Variants in EXT1 observed in about 807,000 individuals in gnomAD.
The protein encoded by EXT1 is exostosin-1.
Under a neutral mutation model 82.5 loss-of-function variants are expected in EXT1, and 20 were observed. That is an observed-to-expected ratio of 0.24 (90% CI 0.17 to 0.35). EXT1 has a LOEUF of 0.35. Ranked by LOEUF, EXT1 falls within the 10% of genes least tolerant of loss-of-function variation. The pLI, the probability that EXT1 is intolerant of heterozygous loss-of-function variation, is 1.00. For missense variants in EXT1, 757 were observed against 936.5 expected, an observed-to-expected ratio of 0.81 and a Z score of 2.50; for synonymous variants, 348 against 350.8, an observed-to-expected ratio of 0.99 and a Z score of 0.09.
At position 117,797,775 on chromosome 8, in the gene EXT1, G is replaced by A. The variant is rs565433579; in HGVS notation, c.*1937C>T. On this transcript the variant is annotated 3_prime_UTR_variant, in exon 11 of 11. Transcript: ENST00000378204. ...ACCTAAGAATTATTTTTCAACAAAT[G>A]CCTAAGAGATAATCACATCTACTTA... The A allele has an allele frequency of 9.2e-5, 14 of 152,272 alleles. No homozygotes were observed. The highest frequency in any genetic ancestry group is 3.1e-4 in the African/African-American group (13 of 41,552). 9.4% of individuals were successfully genotyped at this position (152,272 alleles called of 1,614,324 possible).
chr8:117,962,885 T>C (rs750493278), intron 1 of EXT1, among the ~76,000 whole-genome samples: 4 of 151,790 alleles, frequency 2.6e-5, no homozygotes, highest in Non-Finnish European at 5.9e-5. Flanking sequence ...GTAATTGCAC[T>C]GCTGCACTCC....
At chr8:117,817,614 T>C (rs911175035) in intron 7 of EXT1, among the ~76,000 whole-genome samples, 3 of 152,146 alleles carry the variant, frequency 2.0e-5, no homozygotes, top group Admixed American at 6.5e-5. Context: ...TATGGGAATG[T>C]TGACAAGCAG....
intron 1 of EXT1, among the ~76,000 whole-genome samples, chr8:117,861,292 T>C (rs1427101067): frequency 6.6e-6 from 1 of 152,182 alleles, no homozygotes; most frequent in Non-Finnish European, 1.5e-5. Flanking sequence ...CATTCAGACA[T>C]AGCAGCTAAG....
At chr8:118,080,722 T>G (rs2129981170) in intron 1 of EXT1, among the ~76,000 whole-genome samples, 1 of 152,290 alleles carries the variant, frequency 6.6e-6, no homozygotes, top group East Asian at 1.9e-4. Flanking sequence ...AAAACTACAT[T>G]TTTAAGTATA....
chr8:118,060,679 A>ATG (rs2129941900), intron 1 of EXT1, among the ~76,000 whole-genome samples: 1 of 152,286 alleles, frequency 6.6e-6, no homozygotes, highest in African/African-American at 2.4e-5. Flanking sequence ...CCAGGTCATA[A>ATG]TGTAGCACAG....
intron 1 of EXT1, among the ~76,000 whole-genome samples, chr8:118,026,960 G>A (rs1816213346): frequency 6.6e-6 from 1 of 152,182 alleles, no homozygotes; most frequent in South Asian, 2.1e-4. Flanking sequence ...GGTACTTCCA[G>A]CTGGGCTCAG....
At chr8:117,966,731 A>T (rs1814819621) in intron 1 of EXT1, among the ~76,000 whole-genome samples, 1 of 152,230 alleles carries the variant, frequency 6.6e-6, no homozygotes. Context: ...GAAAGACTAA[A>T]AATAATTCTT....
chr8:118,033,333 G>T (rs989200248), intron 1 of EXT1, among the ~76,000 whole-genome samples: 3 of 152,132 alleles, frequency 2.0e-5, no homozygotes, highest in Non-Finnish European at 4.4e-5. Context: ...CAAGGCTCAG[G>T]TCTCTGTGTC....
intron 1 of EXT1, among the ~76,000 whole-genome samples, chr8:117,974,122 A>G (rs1330987883): frequency 6.6e-6 from 1 of 152,202 alleles, no homozygotes; most frequent in East Asian, 1.9e-4. Flanking sequence ...CTCATCTTCA[A>G]AAATAACTAG....
At chr8:118,029,777 A>G (rs1233440645) in intron 1 of EXT1, among the ~76,000 whole-genome samples, 1 of 152,204 alleles carries the variant, frequency 6.6e-6, no homozygotes, top group Non-Finnish European at 1.5e-5. Flanking sequence ...CTTACTACTG[A>G]CAAATGCCAC....
rs950636568 is a variant in EXT1, at chr8:117,997,410, T to C, written c.962+112675A>G. Among the ~76,000 whole-genome samples the C allele has an allele frequency of 4.0e-5, 6 of 151,570 alleles. No individual in the cohort carries two copies. In the East Asian group the frequency reaches 1.2e-3, roughly 29 times the overall value. ...TATGTTGATGGATGTATATTTAGAG[T>C]TCTACTCCTACCTACTTTCAGAAAG... On this transcript the variant is annotated intron_variant, in intron 1 of 10. Coordinates refer to ENST00000378204, the MANE Select transcript of EXT1 (RefSeq NM_000127.3).
At chr8:117,917,596 G>A (rs112224315) in intron 1 of EXT1, among the ~76,000 whole-genome samples, 7 of 152,286 alleles carry the variant, frequency 4.6e-5, no homozygotes, top group African/African-American at 9.6e-5. Context: ...TTAGCTAAGC[G>A]AATGGTTTCA....
intron 1 of EXT1, among the ~76,000 whole-genome samples, chr8:118,038,937 T>C (rs917150535): frequency 1.3e-5 from 2 of 152,244 alleles, no homozygotes; most frequent in African/African-American, 2.4e-5. Context: ...GGACTATTCA[T>C]TTCTGGCATA....
intron 1 of EXT1, among the ~76,000 whole-genome samples, chr8:117,887,002 C>G (rs1411754031): frequency 6.6e-6 from 1 of 152,152 alleles, no homozygotes; most frequent in African/African-American, 2.4e-5. Context: ...CTTTCTGTAC[C>G]TTAATATGCA....
intron 1 of EXT1, among the ~76,000 whole-genome samples, chr8:118,002,576 G>T (rs1815694540): frequency 7.7e-6 from 1 of 130,608 alleles, no homozygotes. Flanking sequence ...CTGTCACCCA[G>T]GTTGGAGCGC....
intron 4 of EXT1, among the ~76,000 whole-genome samples, chr8:117,823,193 T>A (rs549356794): frequency 1.3e-5 from 2 of 152,274 alleles, no homozygotes; most frequent in East Asian, 3.9e-4. Context: ...TCTTGAAAAG[T>A]AGTGAGTTAA....
intron 4 of EXT1, among the ~76,000 whole-genome samples, chr8:117,822,939 AC>A (rs992205828): frequency 6.6e-6 from 1 of 152,166 alleles, no homozygotes; most frequent in African/African-American, 2.4e-5. Flanking sequence ...ACTTCTAAGA[AC>A]TAAGATAGGT....
At chr8:118,061,075 TTGAC>T (rs756374098) in intron 1 of EXT1, among the ~76,000 whole-genome samples, 3 of 152,188 alleles carry the variant, frequency 2.0e-5, no homozygotes, top group Admixed American at 1.3e-4. Flanking sequence ...TCTGCAAACT[TTGAC>T]TGAGGCACTT....
At chr8:117,935,515 A>C (rs1221740380) in intron 1 of EXT1, among the ~76,000 whole-genome samples, 1 of 151,716 alleles carries the variant, frequency 6.6e-6, no homozygotes, top group African/African-American at 2.4e-5. Flanking sequence ...CAGCACCAAC[A>C]GCTAATTCAT....
Sources: gnomAD v4.1 joint callset for allele counts (sites outside exome capture counted in the v4.1 genomes callset) on GRCh38, gnomAD v4.1.1 for gene constraint, MANE v1.5 for transcripts, NCBI Gene and HGNC (gene_info 2026-07-23, HGNC 2026-07-21) for gene names.